EDEM2: variants seen among roughly 807,000 people sequenced by gnomAD.
The protein encoded by EDEM2 is ER degradation enhancing alpha-mannosidase like protein 2.
A neutral mutation model predicts 64.8 loss-of-function variants in EDEM2; 39 were observed. That is an observed-to-expected ratio of 0.60 (90% confidence interval 0.47 to 0.79). The LOEUF is 0.79. Among genes scored for constraint, EDEM2 ranks in the 30% least tolerant of loss-of-function variants. EDEM2 has a pLI of 0.00. For missense variants in EDEM2, 609 were observed against 731.3 expected, an observed-to-expected ratio of 0.83 and a Z score of 1.93; for synonymous variants, 296 against 291.5, an observed-to-expected ratio of 1.02 and a Z score of -0.16.
At chr20:35,142,240 G>C in intron 4 of EDEM2, 133 bp downstream of exon 4, 1 of 683,960 alleles carries the variant, frequency 1.5e-6, no homozygotes, top group Non-Finnish European at 2.5e-6. Context: ...GGGAAGAAGA[G>C]CTCTGTCGGT....
At chr20:35,130,715 T>C (rs985241889) in intron 7 of EDEM2, among the ~76,000 whole-genome samples, 2 of 152,146 alleles carry the variant, frequency 1.3e-5, no homozygotes, top group East Asian at 3.8e-4. Flanking sequence ...CATGGATAAC[T>C]GAAACCATGG....
At chr20:35,142,638 A>G (rs1294051284) in intron 3 of EDEM2, among the ~76,000 whole-genome samples, 160 bp from the exon 4 acceptor site, 1 of 152,222 alleles carries the variant, frequency 6.6e-6, no homozygotes, top group African/African-American at 2.4e-5. Flanking sequence ...TGAGAGCTAG[A>G]AATCATCTAG....
chr20:35,119,287 A>C (rs551533650), intron 9 of EDEM2, among the ~76,000 whole-genome samples: 93 of 152,292 alleles, frequency 6.1e-4, no homozygotes, highest in African/African-American at 2.1e-3. Context: ...ACCAAAAGAA[A>C]AGGCTGAGAT....
chr20:35,138,357 G>A (rs1191488020), intron 4 of EDEM2, among the ~76,000 whole-genome samples: 2 of 151,828 alleles, frequency 1.3e-5, no homozygotes, highest in Admixed American at 6.6e-5. Flanking sequence ...TCCCCTCTTC[G>A]TATGAAGATA....
At chr20:35,123,778 T>A in intron 9 of EDEM2, 112 bp downstream of exon 9, 1 of 1,347,582 alleles carries the variant, frequency 7.4e-7, no homozygotes, top group South Asian at 1.5e-5. Context: ...AAGGAACAGA[T>A]GGAAAGAAAT....
At chr20:35,137,840 A>G in intron 5 of EDEM2, 40 bp downstream of exon 5, 1 of 1,605,730 alleles carries the variant, frequency 6.2e-7, no homozygotes, top group Non-Finnish European at 8.5e-7. Flanking sequence ...AGCAGGACCT[A>G]CTGGACTTCG....
At chr20:35,140,023 C>T (rs1177535373) in intron 4 of EDEM2, among the ~76,000 whole-genome samples, 2 of 152,072 alleles carry the variant, frequency 1.3e-5, no homozygotes, top group Non-Finnish European at 2.9e-5. Flanking sequence ...GAACCATACA[C>T]CCAGCAAAAA....
chr20:35,135,166 T>A (rs896415011), intron 5 of EDEM2, among the ~76,000 whole-genome samples: 3 of 152,202 alleles, frequency 2.0e-5, no homozygotes, highest in African/African-American at 7.2e-5. Flanking sequence ...AACCTTGGGT[T>A]CCTGCTCATC....
At chr20:35,134,178 G>C (rs1181260371) in intron 6 of EDEM2, 1 of 453,800 alleles carries the variant, frequency 2.2e-6, no homozygotes, top group Non-Finnish European at 4.4e-6. Flanking sequence ...GGGAAGCTCT[G>C]GTGTTAAATA....
chr20:35,132,916 T>G lies in EDEM2; in HGVS notation c.703-1133A>C, dbSNP rs577694642. 8.7e-4 allele frequency among the ~76,000 whole-genome samples: 132 copies of G among 152,304 alleles called. 1 individual carries two copies. The highest frequency in any genetic ancestry group is 3.0e-3 in the African/African-American group (124 of 41,592). ...TCTGGTACTCAAAGAAATAGCTAAC[T>G]GTTCCGCGTTGGTTTGTGTCCCCCC... On this transcript the variant is annotated intron_variant, in intron 6 of 10. Transcript: ENST00000374492.
intron 4 of EDEM2, among the ~76,000 whole-genome samples, chr20:35,139,668 A>AAAAG (rs901893052): frequency 6.6e-6 from 1 of 151,150 alleles, no homozygotes; most frequent in African/African-American, 2.4e-5. Context: ...AAAAAAAAAG[A>AAAAG]AAAGAAAGAA....
chr20:35,124,466 T>C (rs1424296250), intron 8 of EDEM2, among the ~76,000 whole-genome samples: 3 of 152,158 alleles, frequency 2.0e-5, no homozygotes, highest in Non-Finnish European at 4.4e-5. Flanking sequence ...AGTGGCACAA[T>C]CACGGTTCAT....
At chr20:35,135,324 TG>T (rs1372930152) in intron 5 of EDEM2, among the ~76,000 whole-genome samples, 1 of 152,232 alleles carries the variant, frequency 6.6e-6, no homozygotes, top group African/African-American at 2.4e-5. Flanking sequence ...CAGAAAGTGG[TG>T]GGGCTTGTGG....
chr20:35,115,958 G>A, intron 10 of EDEM2, 25 bp from the exon 11 acceptor site: 1 of 1,603,442 alleles, frequency 6.2e-7, no homozygotes, highest in Non-Finnish European at 8.5e-7. Flanking sequence ...AAGGAAGCAA[G>A]CTGGAACACC....
At chr20:35,118,031 C>T (rs2085328366) in intron 10 of EDEM2, among the ~76,000 whole-genome samples, 1 of 152,202 alleles carries the variant, frequency 6.6e-6, no homozygotes, top group African/African-American at 2.4e-5. Flanking sequence ...GCTTGCTCCG[C>T]TCCAGCCACA....
At chr20:35,117,967 A>C (rs2085327495) in intron 10 of EDEM2, among the ~76,000 whole-genome samples, 1 of 152,108 alleles carries the variant, frequency 6.6e-6, no homozygotes, top group Admixed American at 6.5e-5. Flanking sequence ...AAAACCCTAC[A>C]TGATCTAGCC....
intron 10 of EDEM2, among the ~76,000 whole-genome samples, chr20:35,118,220 GAATAT>G (rs2085330106): frequency 6.6e-6 from 1 of 152,168 alleles, no homozygotes; most frequent in South Asian, 2.1e-4. Context: ...TCCCAGGTTT[GAATAT>G]AGGGCTATGG....
At chr20:35,145,328 A>G (rs937183788) in intron 2 of EDEM2, among the ~76,000 whole-genome samples, 10 of 152,100 alleles carry the variant, frequency 6.6e-5, no homozygotes, top group African/African-American at 2.4e-4. Flanking sequence ...ACCAATTTTC[A>G]CCTCTAGGAA....
intron 6 of EDEM2, among the ~76,000 whole-genome samples, chr20:35,133,362 G>A (rs1006232363): frequency 6.6e-6 from 1 of 152,092 alleles, no homozygotes; most frequent in Non-Finnish European, 1.5e-5. Context: ...GTTAAGAGTT[G>A]AGAGGATATG....
Sources: gnomAD v4.1 joint callset for allele counts (sites outside exome capture counted in the v4.1 genomes callset) on GRCh38, gnomAD v4.1.1 for gene constraint, MANE v1.5 for transcripts, NCBI Gene and HGNC (gene_info 2026-07-23, HGNC 2026-07-21) for gene names.